CYP19A1: variants seen among roughly 807,000 people sequenced by gnomAD.
CYP19A1 encodes the protein aromatase.
A neutral mutation model predicts 44.4 loss-of-function variants in CYP19A1; 32 were observed. The observed-to-expected ratio is 0.72, with a 90% CI of 0.54 to 0.97. The LOEUF (loss-of-function observed/expected upper bound fraction) is 0.97. Among genes scored for constraint, CYP19A1 ranks in the 50% least tolerant of loss-of-function variants. The probability of loss-of-function intolerance (pLI) is 0.00; values close to 1 mark genes in which losing one functional copy is unlikely to be tolerated. For synonymous variants in CYP19A1, 212 were observed against 215.6 expected (o/e 0.98, Z 0.14); for missense variants, 598 against 637.8 (o/e 0.94, Z 0.67).
chr15:51,333,011 C>T (rs1317610537), intron 1 of CYP19A1, among the ~76,000 whole-genome samples: 1 of 152,150 alleles, frequency 6.6e-6, no homozygotes, highest in Non-Finnish European at 1.5e-5. Context: ...AAATTTACTT[C>T]CTATTAACTA....
At chr15:51,319,329 A>C (rs945108952) in intron 1 of CYP19A1, among the ~76,000 whole-genome samples, 2 of 152,256 alleles carry the variant, frequency 1.3e-5, no homozygotes, top group African/African-American at 4.8e-5. Flanking sequence ...CAACATTCCC[A>C]TTCTCAAATG....
intron 1 of CYP19A1, among the ~76,000 whole-genome samples, chr15:51,302,378 C>T (rs28757106): frequency 0.013 from 1,926 of 152,298 alleles, 41 homozygotes; most frequent in African/African-American, 0.044. Flanking sequence ...GCTCCACCTG[C>T]GAATCACAGA....
chr15:51,247,522 T>A (rs902890384), intron 1 of CYP19A1, among the ~76,000 whole-genome samples: 1 of 152,170 alleles, frequency 6.6e-6, no homozygotes, highest in African/African-American at 2.4e-5. Context: ...CAGGCTGGCA[T>A]GCAGTGGTGA....
chr15:51,267,148 C>T (rs1319043951), intron 1 of CYP19A1, among the ~76,000 whole-genome samples: 1 of 152,108 alleles, frequency 6.6e-6, no homozygotes, highest in Non-Finnish European at 1.5e-5. Flanking sequence ...CCAAGCAGGG[C>T]GAATCGAGCC....
chr15:51,218,961 C>T (rs1325955934), intron 5 of CYP19A1, among the ~76,000 whole-genome samples: 1 of 152,216 alleles, frequency 6.6e-6, no homozygotes, highest in Admixed American at 6.5e-5. Context: ...GCTGAGCTTT[C>T]AACTAGCTCC....
chr15:51,337,980 G>C (rs1208173471), intron 1 of CYP19A1: 1 of 152,220 alleles, frequency 6.6e-6, no homozygotes, highest in African/African-American at 2.4e-5. Context: ...AATATCCCAG[G>C]CTTTCCACCA....
At chr15:51,245,465 G>A (rs1209401245) in intron 1 of CYP19A1, among the ~76,000 whole-genome samples, 3 of 152,144 alleles carry the variant, frequency 2.0e-5, no homozygotes, top group African/African-American at 4.8e-5. Context: ...GCATGGGCAA[G>A]GACTTCATGT....
chr15:51,274,092 C>G (rs2140958260), intron 1 of CYP19A1, among the ~76,000 whole-genome samples: 1 of 152,174 alleles, frequency 6.6e-6, no homozygotes, highest in East Asian at 1.9e-4. Context: ...TCCTTTGCAC[C>G]AGGTAGAGAG....
chr15:51,256,669 G>C (rs958221630), intron 1 of CYP19A1, among the ~76,000 whole-genome samples: 1 of 152,168 alleles, frequency 6.6e-6, no homozygotes, highest in African/African-American at 2.4e-5. Flanking sequence ...TTCTATAACC[G>C]GGTAATGGAA....
At chr15:51,308,941 C>T (rs1408681535) in intron 1 of CYP19A1, among the ~76,000 whole-genome samples, 3 of 152,194 alleles carry the variant, frequency 2.0e-5, no homozygotes, top group African/African-American at 7.2e-5. Context: ...TCTTCCCTCC[C>T]ACATTTACTT....
chr15:51,283,032 G>T (rs1333892030), intron 1 of CYP19A1, among the ~76,000 whole-genome samples: 1 of 152,122 alleles, frequency 6.6e-6, no homozygotes, highest in East Asian at 1.9e-4. Context: ...ATTTTAAAAA[G>T]GCGTATAAAG....
At chr15:51,250,318 C>T (rs1402530514) in intron 1 of CYP19A1, among the ~76,000 whole-genome samples, 1 of 152,224 alleles carries the variant, frequency 6.6e-6, no homozygotes, top group Non-Finnish European at 1.5e-5. Flanking sequence ...AGCACAACAC[C>T]TCCCCAGGAG....
intron 4 of CYP19A1, among the ~76,000 whole-genome samples, chr15:51,226,396 G>A (rs1438023111): frequency 6.6e-6 from 1 of 152,230 alleles, no homozygotes; most frequent in Admixed American, 6.5e-5. Context: ...AGAACTGTGA[G>A]ATAAATGTGT....
At chr15:51,283,231 G>A (rs966078025) in intron 1 of CYP19A1, among the ~76,000 whole-genome samples, 2 of 152,198 alleles carry the variant, frequency 1.3e-5, no homozygotes, top group Non-Finnish European at 2.9e-5. Context: ...ACTGAAAGAA[G>A]TATGTTTTAC....
intron 3 of CYP19A1, among the ~76,000 whole-genome samples, chr15:51,229,917 A>T (rs2141085390): frequency 6.6e-6 from 1 of 152,396 alleles, no homozygotes; most frequent in South Asian, 2.1e-4. Context: ...TTTTAAAAAG[A>T]GAGTAAGAAA....
At position 51,243,156 on chromosome 15, in the gene CYP19A1, A is replaced by G. The variant is rs2033878730; in HGVS notation, c.-38-206T>C. The G allele has an allele frequency of 6.1e-6, 3 of 494,180 alleles. No individual in the cohort carries two copies. The South Asian group carries it at 6.1e-5, about 10-fold the overall frequency. The allele number at this position is 494,180 out of a possible 1,614,324, so 30.6% of individuals were successfully genotyped here. ...TTTGGCTTGAATTGCAGCATTTCTGACCTTGGTAGAGTCTCAGGTTCCTTT... is the reference window on the plus strand; with the variant it reads ...TTTGGCTTGAATTGCAGCATTTCTGGCCTTGGTAGAGTCTCAGGTTCCTTT... On this transcript the variant is annotated intron_variant, in intron 1 of 9. Coordinates refer to ENST00000396402, the MANE Select transcript of CYP19A1 (RefSeq NM_000103.4).
In CYP19A1 at chr15:51,208,876, C is replaced by T. The variant is rs548829297; in HGVS notation, c.*1932G>A. On this transcript the variant is annotated 3_prime_UTR_variant, in exon 10 of 10. Coordinates refer to ENST00000396402, the MANE Select transcript of CYP19A1 (RefSeq NM_000103.4). ...TTGACTGTGTAGACATAGACATTGG[C>T]TTCATATATACAGATAAAATACACA... 6.6e-6 allele frequency: 1 copy of T among 151,912 alleles called. No homozygotes were observed. Among genetic ancestry groups the T allele is most frequent in the South Asian group, 2.1e-4 (1 of 4,820 alleles). The allele number at this position is 151,912 out of a possible 1,614,324, so 9.4% of individuals were successfully genotyped here.
At chr15:51,331,441 C>T (rs562851381) in intron 1 of CYP19A1, among the ~76,000 whole-genome samples, 1 of 152,230 alleles carries the variant, frequency 6.6e-6, no homozygotes, top group East Asian at 1.9e-4. Context: ...GGAAAGAGGA[C>T]AAGGGGCATT....
chr15:51,305,333 C>T (rs1300814339), intron 1 of CYP19A1, among the ~76,000 whole-genome samples: 1 of 152,102 alleles, frequency 6.6e-6, no homozygotes, highest in Non-Finnish European at 1.5e-5. Context: ...CTTGGAGAAA[C>T]TCAGCTAGCA....
Sources: gnomAD v4.1 joint callset for allele counts (sites outside exome capture counted in the v4.1 genomes callset) on GRCh38, gnomAD v4.1.1 for gene constraint, MANE v1.5 for transcripts, NCBI Gene and HGNC (gene_info 2026-07-23, HGNC 2026-07-21) for gene names.